Variants in KIF13A observed in about 807,000 individuals in gnomAD.
KIF13A encodes the protein kinesin family member 13A, also known as kinesin-like protein KIF13A.
In KIF13A, 79 loss-of-function variants were observed where a neutral mutation model predicts 212.2. The observed-to-expected ratio is 0.37, with a 90% CI of 0.31 to 0.45. The LOEUF is 0.45. Ranked by LOEUF, KIF13A falls within the 20% of genes least tolerant of loss-of-function variation. KIF13A has a pLI of 1.00. For missense variants in KIF13A, 1,901 were observed against 2,209.0 expected (o/e 0.86, Z 2.79); for synonymous variants, 789 against 808.6 (o/e 0.98, Z 0.41).
intron 2 of KIF13A, among the ~76,000 whole-genome samples, chr6:17,902,463 C>T (rs1773134773): frequency 6.6e-6 from 1 of 152,160 alleles, no homozygotes; most frequent in Admixed American, 6.5e-5. Context: ...GATAGTAGTT[C>T]TATTTTTGTA....
At chr6:17,861,564 T>C (rs115974451) in intron 4 of KIF13A, among the ~76,000 whole-genome samples, 2,954 of 152,302 alleles carry the variant, frequency 0.019, 92 homozygotes, top group African/African-American at 0.062. Flanking sequence ...TAAAAATGCA[T>C]TGGTCTCTAC....
At chr6:17,889,725 G>C (rs1041207213) in intron 3 of KIF13A, among the ~76,000 whole-genome samples, 4 of 152,190 alleles carry the variant, frequency 2.6e-5, no homozygotes, top group African/African-American at 9.6e-5. Flanking sequence ...CAGATGCTGA[G>C]ATCATCCTGG....
At chr6:17,874,298 TG>T (rs10714304) in intron 3 of KIF13A, among the ~76,000 whole-genome samples, 119,330 of 148,900 alleles carry the variant, frequency 0.8, 48,197 homozygotes, top group African/African-American at 0.88. Context: ...TTGGTGGTGG[TG>T]GGGGGGGTTC....
At chr6:17,762,739 G>A (rs548191721), downstream of KIF13A, among the ~76,000 whole-genome samples, 1 of 152,212 alleles carries the variant, frequency 6.6e-6, no homozygotes, top group East Asian at 1.9e-4. Context: ...TGTATTGCTT[G>A]CAAGAATGGT....
At chr6:17,830,932 A>G (rs1765391607) in intron 13 of KIF13A, among the ~76,000 whole-genome samples, 169 bp downstream of exon 13, 1 of 152,032 alleles carries the variant, frequency 6.6e-6, no homozygotes, top group South Asian at 2.1e-4. Flanking sequence ...GATGATACAA[A>G]ATAGCTGTTT....
intron 18 of KIF13A, among the ~76,000 whole-genome samples, chr6:17,806,357 C>T (rs180974437): frequency 1.5e-3 from 221 of 152,284 alleles, no homozygotes; most frequent in Middle Eastern, 0.014. Flanking sequence ...ATAAAGTCCA[C>T]TATAAGCATC....
Position 17,789,489 on chromosome 6 carries a change from T to C in KIF13A, c.3261+383A>G, listed in dbSNP as rs1233877798. On this transcript the variant is annotated intron_variant, in intron 26 of 38. Transcript: ENST00000259711. This position sits in a 1 kb window ranked among gnomAD's most constrained non-coding sequence, Gnocchi z 4.8. The stretch of plus-strand genomic sequence containing the variant: ...GTCTATCTAAAAGATTATGGATGGA[T>C]AACTGCAATATTTTAAGATCATCCA... Among the ~76,000 whole-genome samples the C allele has an allele frequency of 1.3e-5, 2 of 152,174 alleles. No individual in the cohort carries two copies. Among genetic ancestry groups the C allele is most frequent in the South Asian group, 2.1e-4 (1 of 4,824 alleles).
chr6:17,961,948 T>C lies in KIF13A; in HGVS notation c.146+25106A>G, dbSNP rs769295538. Among the ~76,000 whole-genome samples the C allele has an allele frequency of 7.2e-5, 11 of 152,360 alleles. No individual in the cohort carries two copies. Among genetic ancestry groups the C allele is most frequent in the African/African-American group, 1.9e-4 (8 of 41,584 alleles). ...GATACATTTGACAATCAAGGTTTAATAGTTCAACGGGCAATGGTTTTTCTT... is the reference window on the plus strand; with the variant it reads ...GATACATTTGACAATCAAGGTTTAACAGTTCAACGGGCAATGGTTTTTCTT... On this transcript the variant is annotated intron_variant, in intron 2 of 38. Coordinates refer to ENST00000259711, the MANE Select transcript of KIF13A (RefSeq NM_022113.6). This position sits in a 1 kb window ranked among gnomAD's most constrained non-coding sequence, Gnocchi z 4.1.
intron 20 of KIF13A, among the ~76,000 whole-genome samples, chr6:17,801,117 G>T (rs1030964281): frequency 6.6e-6 from 1 of 152,070 alleles, no homozygotes; most frequent in African/African-American, 2.4e-5. Flanking sequence ...TGACCAAACA[G>T]CTAGCTCATG....
In KIF13A at chr6:17,963,609, G is replaced by A. The variant is rs961845769; in HGVS notation, c.146+23445C>T. Among the ~76,000 whole-genome samples, 8 of 152,332 alleles carry A rather than the reference G, an allele frequency of 5.3e-5. No homozygotes were observed. The East Asian group carries it at 1.4e-3, about 26-fold the overall frequency. ...GTCTTGCTGTGTCGCCTAGGCTGGA[G>A]TGCTGCGCGTGATCGCAGCTTACTG... On this transcript the variant is annotated intron_variant, in intron 2 of 38. Transcript: ENST00000259711. This position sits in a 1 kb window ranked among gnomAD's most constrained non-coding sequence, Gnocchi z 4.1.
At chr6:17,884,319 A>G (rs1045820488) in intron 3 of KIF13A, among the ~76,000 whole-genome samples, 1 of 152,222 alleles carries the variant, frequency 6.6e-6, no homozygotes, top group Non-Finnish European at 1.5e-5. Context: ...ACTGTTATCA[A>G]TATTATCATT....
intron 9 of KIF13A, among the ~76,000 whole-genome samples, chr6:17,840,084 G>A (rs1290832377): frequency 6.6e-6 from 1 of 152,114 alleles, no homozygotes; most frequent in Non-Finnish European, 1.5e-5. Flanking sequence ...TGTGGGTGGG[G>A]GTAATAGGGA....
Position 17,805,370 on chromosome 6 carries a change from CGTGTGTGTGTGTGT to C in KIF13A, c.2304+91_2304+104del, listed in dbSNP as rs59526903. On this transcript the variant is annotated intron_variant, in intron 19 of 38. Coordinates refer to ENST00000259711, the MANE Select transcript of KIF13A (RefSeq NM_022113.6). ...ATCTAACGTATCATGAGCACATCTC[CGTGTGTGTGTGTGT>C]GTGTGTGTGTGTGTGTGTGTGTGTT... 3.8e-4 allele frequency: 281 copies of C among 738,408 alleles called. No individual in the cohort carries two copies. In the East Asian group the frequency reaches 4.5e-3, roughly 12 times the overall value. 45.7% of individuals were successfully genotyped at this position (738,408 alleles called of 1,614,324 possible).
At position 17,980,581 on chromosome 6, in the gene KIF13A, T is replaced by C. The variant is rs144296862; in HGVS notation, c.146+6473A>G. On this transcript the variant is annotated intron_variant, in intron 2 of 38. Transcript: ENST00000259711. ...GAGGAACTCTAGAGAGCACCTGATATGTTTGAAAGTCTTGAAAAAAGATTT... is the reference window on the plus strand; with the variant it reads ...GAGGAACTCTAGAGAGCACCTGATACGTTTGAAAGTCTTGAAAAAAGATTT... Among the ~76,000 whole-genome samples the C allele has an allele frequency of 9.2e-3, 1,400 of 152,100 alleles. 13 individuals are homozygous for C. Among genetic ancestry groups the C allele is most frequent in the Middle Eastern group, 0.017 (5 of 294 alleles).
rs976120942 is a variant in KIF13A at position 17,895,728 on chromosome 6, G to A, written c.159+2440C>T. Reference sequence around the variant, plus strand: ...CTTCCTGAATGGCATATATCTAAATGCTAGGTTCATCTCTCTAAATTTTTA... The same window carrying A: ...CTTCCTGAATGGCATATATCTAAATACTAGGTTCATCTCTCTAAATTTTTA... On this transcript the variant is annotated intron_variant, in intron 3 of 38. Coordinates refer to ENST00000259711, the MANE Select transcript of KIF13A (RefSeq NM_022113.6). The surrounding 1 kb of genome is among the most constrained non-coding windows in gnomAD (Gnocchi z 4.4). Among the ~76,000 whole-genome samples, 3 of 152,182 alleles carry A rather than the reference G, an allele frequency of 2.0e-5. No individual in the cohort carries two copies. The highest frequency in any genetic ancestry group is 2.9e-5 in the Non-Finnish European group (2 of 68,034).
chr6:17,934,852 T>C lies in KIF13A; in HGVS notation c.147-36672A>G, dbSNP rs1035277805. 1.3e-5 allele frequency among the ~76,000 whole-genome samples: 2 copies of C among 151,780 alleles called. No individual in the cohort carries two copies. The highest frequency in any genetic ancestry group is 1.3e-4 in the Admixed American group (2 of 15,226). On this transcript the variant is annotated intron_variant, in intron 2 of 38. Transcript: ENST00000259711. This position sits in a 1 kb window ranked among gnomAD's most constrained non-coding sequence, Gnocchi z 5.4. ...CTGTTTGTCATAAATATGGCCACCA[T>C]CTAATGTAAAATGTGACTCAATTTT... is the stretch of plus-strand genomic sequence containing the variant.
intron 17 of KIF13A, among the ~76,000 whole-genome samples, chr6:17,813,037 A>G (rs1238128220): frequency 6.6e-6 from 1 of 152,174 alleles, no homozygotes; most frequent in Non-Finnish European, 1.5e-5. Context: ...AAGGATATCA[A>G]TGGGTACAAT....
intron 2 of KIF13A, among the ~76,000 whole-genome samples, chr6:17,974,178 T>A (rs1401745210): frequency 1.3e-5 from 2 of 151,978 alleles, no homozygotes; most frequent in Non-Finnish European, 2.9e-5. Flanking sequence ...ACCTCCCGGG[T>A]TCAAGCGATT....
rs768616701 is a variant in KIF13A at position 17,780,799 on chromosome 6, T to A, written c.3777A>T (p.Gln1259His). The A allele has an allele frequency of 1.2e-6, 2 of 1,613,976 alleles. No homozygotes were observed. Among genetic ancestry groups the A allele is most frequent in the Non-Finnish European group, 1.7e-6 (2 of 1,179,872 alleles). ...ACTCCATAGCAGCAGGGTGGCTGAG[T>A]TGAACTGTGGTTTTCACAATTAGGT... ...RIYLIVKTTV[Q>H]LSHPAAMELV... is the part of the protein sequence containing the mutation. The change falls in exon 31 of 39, where the codon CAA (glutamine) becomes CAT (histidine). Residue 1259 changes from glutamine to histidine, a missense_variant. This residue lies in a region of KIF13A where 687 missense variants were observed against 759.1 expected (regional missense o/e 0.90). Coordinates refer to ENST00000259711, the MANE Select transcript of KIF13A (RefSeq NM_022113.6).
Sources: gnomAD v4.1 joint callset for allele counts (sites outside exome capture counted in the v4.1 genomes callset) on GRCh38, gnomAD v4.1.1 for gene constraint, gnomAD v4.1.1 regional missense constraint, Gnocchi (gnomAD v3.1) non-coding constraint, MANE v1.5 for transcripts, NCBI Gene and HGNC (gene_info 2026-07-23, HGNC 2026-07-21) for gene names.